The following VPS54 variants were observed in gnomAD, a reference collection of about 807,000 sequenced individuals.
VPS54 encodes the protein VPS54 subunit of GARP complex.
In VPS54, 45 loss-of-function variants were observed where a neutral mutation model predicts 121.5. That is an observed-to-expected ratio of 0.37 (90% CI 0.29 to 0.47). The LOEUF (loss-of-function observed/expected upper bound fraction) is 0.47, where lower values mean the gene tolerates loss of function less well. Among genes scored for constraint, VPS54 ranks in the 20% least tolerant of loss-of-function variants. VPS54 has a pLI of 0.99. For missense variants in VPS54, 1,090 were observed against 1,131.4 expected (o/e 0.96, Z 0.52); for synonymous variants, 371 against 385.8 (o/e 0.96, Z 0.45).
rs1207446031 is a variant in VPS54, at chr2:63,893,304, T to C, written c.*126A>G. The C allele has an allele frequency of 1.2e-6, 1 of 865,412 alleles. No individual in the cohort carries two copies. Among genetic ancestry groups the C allele is most frequent in the African/African-American group, 1.6e-5 (1 of 60,702 alleles). 53.6% of individuals were successfully genotyped at this position (865,412 alleles called of 1,614,324 possible). ...TTTCCCAACACTTGATACTTTCCTT[T>C]TTCCCTTCCCCCACCCCAGTTCACT... On this transcript the variant is annotated 3_prime_UTR_variant, in exon 23 of 23. Transcript: ENST00000272322.
chr2:64,018,747 GAAAA>G (rs35913134), intron 1 of VPS54, among the ~76,000 whole-genome samples, 187 bp downstream of exon 1: 2 of 116,516 alleles, frequency 1.7e-5, no homozygotes, highest in South Asian at 2.8e-4. Context: ...GAGTGAAAAG[GAAAA>G]AAAAAAAAAA....
intron 10 of VPS54, among the ~76,000 whole-genome samples, chr2:63,944,166 G>T (rs1294954842): frequency 6.6e-6 from 1 of 152,080 alleles, no homozygotes; most frequent in African/African-American, 2.4e-5. Flanking sequence ...CATAATGCTT[G>T]CTATGCCCCT....
At chr2:64,002,077 T>C (rs753807550) in intron 1 of VPS54, among the ~76,000 whole-genome samples, 1 of 152,182 alleles carries the variant, frequency 6.6e-6, no homozygotes, top group Non-Finnish European at 1.5e-5. Context: ...GCTCCCTCCA[T>C]GTGTGGGCAT....
chr2:63,994,184 T>C (rs1677469676), intron 1 of VPS54, among the ~76,000 whole-genome samples: 1 of 152,164 alleles, frequency 6.6e-6, no homozygotes, highest in African/African-American at 2.4e-5. Flanking sequence ...CTTCTCCTAA[T>C]TACCTTTCTT....
At chr2:63,990,008 G>C (rs1430733208) in intron 1 of VPS54, among the ~76,000 whole-genome samples, 1 of 152,228 alleles carries the variant, frequency 6.6e-6, no homozygotes. Context: ...CATTCCAGGA[G>C]CTGTTCCCGG....
chr2:63,896,517 GATA>G (rs1220394238), intron 22 of VPS54, among the ~76,000 whole-genome samples: 3 of 152,116 alleles, frequency 2.0e-5, no homozygotes. Context: ...AGAAGAATCA[GATA>G]ATAAGACTAT....
At chr2:63,909,891 A>AT (rs1673074600) in intron 20 of VPS54, among the ~76,000 whole-genome samples, 1 of 148,166 alleles carries the variant, frequency 6.7e-6, no homozygotes, top group African/African-American at 2.5e-5. Flanking sequence ...CGCCTGGCTA[A>AT]TTTTTTTGTA....
chr2:63,942,151 G>T (rs2104509927), intron 11 of VPS54, among the ~76,000 whole-genome samples: 1 of 151,746 alleles, frequency 6.6e-6, no homozygotes, highest in South Asian at 2.1e-4. Flanking sequence ...GTGATTTTGG[G>T]GTGTTTAACA....
chr2:63,929,135 G>A (rs912058996), intron 12 of VPS54, among the ~76,000 whole-genome samples: 5 of 152,050 alleles, frequency 3.3e-5, no homozygotes, highest in Non-Finnish European at 7.4e-5. Flanking sequence ...GGATATCCAG[G>A]ACTTGAACTC....
At chr2:63,904,651 A>C (rs1269142938) in intron 20 of VPS54, among the ~76,000 whole-genome samples, 1 of 152,132 alleles carries the variant, frequency 6.6e-6, no homozygotes, top group Non-Finnish European at 1.5e-5. Flanking sequence ...AGTAGACAGA[A>C]AATCAGTAAG....
At chr2:63,975,145 A>T (rs1189773537) in intron 3 of VPS54, 3 of 937,662 alleles carry the variant, frequency 3.2e-6, no homozygotes, top group Non-Finnish European at 4.6e-6. Flanking sequence ...TCCTGGGTCC[A>T]AGTGATTCTC....
chr2:63,909,581 G>A lies in VPS54; in HGVS notation c.2625+2764C>T, dbSNP rs193192902. ...ATTACAAGCACCCACTACCATGCCC[G>A]GCTAATTTTTGTATTTTTAGTAGAG... On this transcript the variant is annotated intron_variant, in intron 20 of 22. Coordinates refer to ENST00000272322, the MANE Select transcript of VPS54 (RefSeq NM_016516.3). Among the ~76,000 whole-genome samples, 6 of 151,232 alleles carry A rather than the reference G, an allele frequency of 4.0e-5. No homozygotes were observed. The East Asian group carries it at 7.8e-4, about 20-fold the overall frequency.
At chr2:63,954,092 T>TA (rs1379766235) in intron 7 of VPS54, among the ~76,000 whole-genome samples, 1 of 152,202 alleles carries the variant, frequency 6.6e-6, no homozygotes, top group African/African-American at 2.4e-5. Flanking sequence ...ACATGCCTAC[T>TA]ACCCATATGG....
At chr2:63,990,159 T>C (rs1677247873) in intron 1 of VPS54, among the ~76,000 whole-genome samples, 1 of 152,082 alleles carries the variant, frequency 6.6e-6, no homozygotes, top group Non-Finnish European at 1.5e-5. Context: ...CCAACTTTCC[T>C]CTCCCGCATG....
Position 63,912,333 on chromosome 2 carries a change from A to G in VPS54, c.2625+12T>C. On this transcript the variant is annotated intron_variant, in intron 20 of 22. Coordinates refer to ENST00000272322, the MANE Select transcript of VPS54 (RefSeq NM_016516.3). ...CTTTGAACAAAGTCTAATAATTTCT[A>G]TAAATCATTACCTTAGATAACAGCT... The G allele has an allele frequency of 1.9e-6, 3 of 1,593,494 alleles. No individual in the cohort carries two copies. The highest frequency in any genetic ancestry group is 2.3e-5 in the South Asian group (2 of 88,714).
At chr2:63,981,610 T>C in intron 3 of VPS54, 36 bp downstream of exon 3, 2 of 1,524,568 alleles carry the variant, frequency 1.3e-6, no homozygotes, top group South Asian at 1.3e-5. Context: ...TCTATTACTT[T>C]TGACCTGACT....
intron 1 of VPS54, among the ~76,000 whole-genome samples, chr2:63,999,758 C>T (rs1014284749): frequency 6.6e-5 from 10 of 152,096 alleles, no homozygotes; most frequent in African/African-American, 2.2e-4. Context: ...TTCTAAATCC[C>T]GTAGGTGTGC....
chr2:63,906,119 G>A lies in VPS54; in HGVS notation c.2625+6226C>T, dbSNP rs567371377. On this transcript the variant is annotated intron_variant, in intron 20 of 22. Transcript: ENST00000272322. ...CTGAACATTTTGTCCCAAGACTGGA[G>A]AAACCAAGCATATCTGTTTTCACCA... Among the ~76,000 whole-genome samples the A allele has an allele frequency of 3.3e-5, 5 of 152,266 alleles. No individual in the cohort carries two copies. In the South Asian group the frequency reaches 1.0e-3, roughly 32 times the overall value.
intron 11 of VPS54, among the ~76,000 whole-genome samples, chr2:63,935,212 C>A (rs886577485): frequency 1.3e-5 from 2 of 152,228 alleles, no homozygotes; most frequent in South Asian, 2.1e-4. Context: ...GTTGTATGAG[C>A]TAATAAATCC....
Sources: gnomAD v4.1 joint callset for allele counts (sites outside exome capture counted in the v4.1 genomes callset) on GRCh38, gnomAD v4.1.1 for gene constraint, MANE v1.5 for transcripts, NCBI Gene and HGNC (gene_info 2026-07-23, HGNC 2026-07-21) for gene names.